PIK3R5: variants seen among roughly 807,000 people sequenced by gnomAD.
PIK3R5 encodes the protein phosphoinositide-3-kinase regulatory subunit 5.
A neutral mutation model predicts 94.9 loss-of-function variants in PIK3R5; 32 were observed. The observed-to-expected ratio is 0.34, with a 90% confidence interval of 0.25 to 0.45. PIK3R5 has a LOEUF of 0.45. PIK3R5 is among the 20% of genes least tolerant of loss of function. The pLI is 1.00. For missense variants in PIK3R5, 853 were observed against 1,144.6 expected (o/e 0.75, Z 3.68); for synonymous variants, 443 against 479.4 (o/e 0.92, Z 0.99).
At chr17:8,886,658 TAAG>T in intron 12 of PIK3R5, 53 bp from the exon 13 acceptor site, 1 of 1,527,092 alleles carries the variant, frequency 6.5e-7, no homozygotes, top group Non-Finnish European at 8.8e-7. Context: ...GGATAGATGG[TAAG>T]AAGGAGCAAG....
chr17:8,905,229 T>A (rs2090367901), intron 4 of PIK3R5, among the ~76,000 whole-genome samples: 1 of 152,272 alleles, frequency 6.6e-6, no homozygotes, highest in African/African-American at 2.4e-5. Flanking sequence ...ATAATGGTCT[T>A]CAATGCCTAA....
At chr17:8,908,095 A>G (rs1364736163) in intron 3 of PIK3R5, among the ~76,000 whole-genome samples, 2 of 152,108 alleles carry the variant, frequency 1.3e-5, no homozygotes, top group African/African-American at 4.8e-5. Context: ...CCACATGCAC[A>G]CATGTGCACA....
intron 1 of PIK3R5, among the ~76,000 whole-genome samples, chr17:8,934,044 G>T (rs1264991834): frequency 6.6e-6 from 1 of 152,216 alleles, no homozygotes; most frequent in East Asian, 1.9e-4. Context: ...GCAAAGCAAG[G>T]ATGTCTGTTC....
At position 8,904,972 on chromosome 17, in the gene PIK3R5, TC is replaced by T. The variant is rs2090363133; in HGVS notation, c.274-58del. The T allele has an allele frequency of 1.2e-5, 18 of 1,555,608 alleles. No individual in the cohort carries two copies. In the East Asian group the frequency reaches 4.1e-4, roughly 35 times the overall value. ...TCTAGGTGAGAAAAGGCTCAGATAG[TC>T]CCAGACAGCTTCTGCTCCCTTTCTG... On this transcript the variant is annotated intron_variant, in intron 4 of 18. Transcript: ENST00000447110. This position sits in a 1 kb window ranked among gnomAD's most constrained non-coding sequence, Gnocchi z 5.1.
At chr17:8,959,884 C>T (rs77327256) in intron 1 of PIK3R5, among the ~76,000 whole-genome samples, 15 of 152,268 alleles carry the variant, frequency 9.9e-5, no homozygotes, top group South Asian at 2.1e-4. Context: ...GCAAAAAATA[C>T]GGTGGAGTTT....
intron 1 of PIK3R5, among the ~76,000 whole-genome samples, chr17:8,949,550 A>G (rs2091337491): frequency 6.6e-6 from 1 of 151,548 alleles, no homozygotes; most frequent in African/African-American, 2.4e-5. Context: ...GACAGATTAG[A>G]AAATGTTGTC....
chr17:8,926,244 A>G (rs143674388), intron 1 of PIK3R5, among the ~76,000 whole-genome samples: 1 of 152,302 alleles, frequency 6.6e-6, no homozygotes, highest in Non-Finnish European at 1.5e-5. Context: ...GTGCAGGAAG[A>G]AAAGACCAAA....
intron 14 of PIK3R5, among the ~76,000 whole-genome samples, chr17:8,885,672 CCAT>C: frequency 9.7e-6 from 1 of 102,762 alleles, no homozygotes; most frequent in African/African-American, 4.5e-5. Context: ...CCCCGCCTCC[CCAT>C]GGCCCTGCCT....
At position 8,904,567 on chromosome 17, in the gene PIK3R5, T is replaced by C. The variant is rs2090355629; in HGVS notation, c.412+210A>G. ...CCTAACAATCCCTCCTCGAGTTACC[T>C]CCCATATTTACTTTCATCTTGTGTG... On this transcript the variant is annotated intron_variant, in intron 5 of 18. Coordinates refer to ENST00000447110, the MANE Select transcript of PIK3R5 (RefSeq NM_001142633.3). This position sits in a 1 kb window ranked among gnomAD's most constrained non-coding sequence, Gnocchi z 5.1. Among the ~76,000 whole-genome samples the C allele has an allele frequency of 6.6e-6, 1 of 152,154 alleles. No individual in the cohort carries two copies.
intron 1 of PIK3R5, among the ~76,000 whole-genome samples, chr17:8,962,031 G>A (rs2091575775): frequency 6.6e-6 from 1 of 152,178 alleles, no homozygotes; most frequent in Admixed American, 6.5e-5. Flanking sequence ...GTGTTGTATG[G>A]GGCATGCGCT....
At chr17:8,917,527 T>G (rs1237869097) in intron 1 of PIK3R5, among the ~76,000 whole-genome samples, 1 of 152,182 alleles carries the variant, frequency 6.6e-6, no homozygotes, top group Non-Finnish European at 1.5e-5. Flanking sequence ...AATACTGTTT[T>G]CCAGTTATTA....
chr17:8,887,250 C>T (rs912634892), intron 11 of PIK3R5, 29 bp from the exon 12 acceptor site: 1 of 1,612,158 alleles, frequency 6.2e-7, no homozygotes, highest in African/African-American at 1.3e-5. Flanking sequence ...GTCATCATCC[C>T]AGCTCCCCAG....
Position 8,890,876 on chromosome 17 carries a change from G to C in PIK3R5, c.519C>G (p.Ala173=), listed in dbSNP as rs199816835. 8 of 1,613,694 alleles carry C rather than the reference G, an allele frequency of 5.0e-6. No individual in the cohort carries two copies. Among genetic ancestry groups the C allele is most frequent in the Non-Finnish European group, 5.9e-6 (7 of 1,179,942 alleles). Residue 173 remains alanine, a synonymous_variant, in exon 7 of 19, where the codon GCC becomes GCG. Transcript: ENST00000447110. The surrounding 1 kb of genome is among the most constrained non-coding windows in gnomAD (Gnocchi z 6.1). ...VLLLNPVEVQ[A]EFLAVANKLS... is the part of the protein sequence containing the mutation. Reference sequence around the variant, plus strand: ...GCTTATTGGCTACAGCAAGGAACTCGGCCTGCACTTCCACTGGGTTCAGCA... The same window carrying C: ...GCTTATTGGCTACAGCAAGGAACTCCGCCTGCACTTCCACTGGGTTCAGCA...
chr17:8,920,634 A>G (rs2090722859), intron 1 of PIK3R5, among the ~76,000 whole-genome samples: 1 of 152,174 alleles, frequency 6.6e-6, no homozygotes, highest in African/African-American at 2.4e-5. Flanking sequence ...TCAGGTATTG[A>G]ACTTTATGTG....
chr17:8,892,193 G>A lies in PIK3R5; in HGVS notation c.483-1281C>T, dbSNP rs1006299351. Among the ~76,000 whole-genome samples the A allele has an allele frequency of 6.6e-6, 1 of 152,180 alleles. No homozygotes were observed. Among genetic ancestry groups the A allele is most frequent in the African/African-American group, 2.4e-5 (1 of 41,446 alleles). ...AGCATTCCCTCCACACTCTGGGGAC[G>A]TCGGTGCCCGGGGACAGGGCAGAGA... is the stretch of plus-strand genomic sequence containing the variant. On this transcript the variant is annotated intron_variant, in intron 6 of 18. Coordinates refer to ENST00000447110, the MANE Select transcript of PIK3R5 (RefSeq NM_001142633.3). This position sits in a 1 kb window ranked among gnomAD's most constrained non-coding sequence, Gnocchi z 4.3.
At chr17:8,885,366 G>C (rs1258628691) in intron 14 of PIK3R5, among the ~76,000 whole-genome samples, 1 of 144,414 alleles carries the variant, frequency 6.9e-6, no homozygotes, top group Non-Finnish European at 1.5e-5. Context: ...CCTTCCCATG[G>C]CCCTGCCTCC....
In PIK3R5 at chr17:8,881,770, A is replaced by C. The variant is rs9903447; in HGVS notation, c.2299+18T>G. On this transcript the variant is annotated intron_variant, in intron 16 of 18. Coordinates refer to ENST00000447110, the MANE Select transcript of PIK3R5 (RefSeq NM_001142633.3). The surrounding 1 kb of genome is among the most constrained non-coding windows in gnomAD (Gnocchi z 4.8). ...AGCACCTCCCTACTGCACACCCCAC[A>C]CTGACCACCCCACTCACCCAGCTCC... 402,685 of 1,612,248 alleles carry C rather than the reference A, an allele frequency of 0.25. 54,025 individuals are homozygous for C. The highest frequency in any genetic ancestry group is 0.4 in the African/African-American group (30,119 of 74,718).
chr17:8,934,476 G>C (rs1284248801), intron 1 of PIK3R5, among the ~76,000 whole-genome samples: 1 of 152,176 alleles, frequency 6.6e-6, no homozygotes, highest in African/African-American at 2.4e-5. Context: ...TTGATATTAT[G>C]TCAGTTTTCC....
At chr17:8,954,080 A>AAAAGAAAT (rs938210437) in intron 1 of PIK3R5, among the ~76,000 whole-genome samples, 1 of 152,138 alleles carries the variant, frequency 6.6e-6, no homozygotes, top group African/African-American at 2.4e-5. Context: ...AAAAAAGAAA[A>AAAAGAAAT]AAAGAAAAAA....
Sources: gnomAD v4.1 joint callset for allele counts (sites outside exome capture counted in the v4.1 genomes callset) on GRCh38, gnomAD v4.1.1 for gene constraint, Gnocchi (gnomAD v3.1) non-coding constraint, MANE v1.5 for transcripts, NCBI Gene and HGNC (gene_info 2026-07-23, HGNC 2026-07-21) for gene names.